The following DCC variants were observed in gnomAD, a reference collection of about 807,000 sequenced individuals.
DCC encodes the protein netrin receptor DCC.
In DCC, 58 loss-of-function variants were observed where a neutral mutation model predicts 172.5. That is an observed-to-expected ratio of 0.34 (90% CI 0.27 to 0.42). The LOEUF (loss-of-function observed/expected upper bound fraction) is 0.42, where lower values mean the gene tolerates loss of function less well. Among genes scored for constraint, DCC ranks in the 10% least tolerant of loss-of-function variants. DCC has a pLI of 1.00. For missense variants in DCC, 1,740 were observed against 1,791.0 expected, an observed-to-expected ratio of 0.97 and a Z score of 0.51; for synonymous variants, 709 against 644.5, an observed-to-expected ratio of 1.10 and a Z score of -1.52.
At chr18:53,469,863 C>T (rs774173714) in intron 25 of DCC, among the ~76,000 whole-genome samples, 3 of 152,112 alleles carry the variant, frequency 2.0e-5, no homozygotes, top group Non-Finnish European at 4.4e-5. Context: ...CCACTGAATC[C>T]ATGATTGCCA....
intron 1 of DCC, among the ~76,000 whole-genome samples, chr18:52,615,972 A>G (rs1443110371): frequency 3.3e-5 from 5 of 152,192 alleles, no homozygotes; most frequent in Non-Finnish European, 7.4e-5. Flanking sequence ...TTATATATAT[A>G]TGAATGAATG....
chr18:52,703,123 T>C lies in DCC; in HGVS notation c.92-48931T>C, dbSNP rs375297393. ...GCTAACCACTCTTACTATAATCTTT[T>C]CTGAAATGTTCCATCAATTATTCTA... On this transcript the variant is annotated intron_variant, in intron 1 of 28. Transcript: ENST00000442544. Among the ~76,000 whole-genome samples the C allele has an allele frequency of 8.5e-5, 13 of 152,318 alleles. No homozygotes were observed. In the South Asian group the frequency reaches 1.7e-3, roughly 19 times the overall value.
chr18:53,048,329 A>C (rs1240676524), intron 5 of DCC, among the ~76,000 whole-genome samples: 1 of 151,156 alleles, frequency 6.6e-6, no homozygotes, highest in Non-Finnish European at 1.5e-5. Context: ...TTTTCTGTCC[A>C]TGTGTTCTTG....
In DCC at chr18:53,477,741, A is replaced by C. The variant is rs549920625; in HGVS notation, c.3737-9056A>C. On this transcript the variant is annotated intron_variant, in intron 25 of 28. Transcript: ENST00000442544. ...GAAGGCAGAATCTTCTTATTTGTCTAATATTATACTTTTTGGTTGAAAATA... is the reference window on the plus strand; with the variant it reads ...GAAGGCAGAATCTTCTTATTTGTCTCATATTATACTTTTTGGTTGAAAATA... Among the ~76,000 whole-genome samples the C allele has an allele frequency of 2.2e-4, 33 of 152,292 alleles. No individual in the cohort carries two copies. In the South Asian group the frequency reaches 6.4e-3, roughly 30 times the overall value.
intron 12 of DCC, among the ~76,000 whole-genome samples, chr18:53,241,311 G>A (rs550544718): frequency 1.3e-5 from 2 of 152,272 alleles, no homozygotes; most frequent in Admixed American, 1.3e-4. Flanking sequence ...AGATGAAAGT[G>A]ACAGTCAAGC....
At chr18:52,835,264 C>T (rs1296860973) in intron 2 of DCC, among the ~76,000 whole-genome samples, 1 of 152,032 alleles carries the variant, frequency 6.6e-6, no homozygotes, top group Non-Finnish European at 1.5e-5. Flanking sequence ...TATTACAATC[C>T]TCTTTGTTTT....
chr18:53,227,380 A>G (rs2056050214), intron 12 of DCC, among the ~76,000 whole-genome samples: 1 of 152,206 alleles, frequency 6.6e-6, no homozygotes, highest in Non-Finnish European at 1.5e-5. Flanking sequence ...TGTACTCAAT[A>G]ACACTCAACA....
intron 12 of DCC, among the ~76,000 whole-genome samples, chr18:53,284,053 C>G (rs2056905780): frequency 1.3e-5 from 2 of 152,088 alleles, no homozygotes; most frequent in South Asian, 2.1e-4. Context: ...TTTTCAAGAC[C>G]TTTCATAAAT....
At chr18:53,358,844 C>G (rs1335263772) in intron 15 of DCC, among the ~76,000 whole-genome samples, 1 of 152,068 alleles carries the variant, frequency 6.6e-6, no homozygotes, top group African/African-American at 2.4e-5. Flanking sequence ...CTAACATATT[C>G]TAGGCTACCA....
intron 2 of DCC, among the ~76,000 whole-genome samples, chr18:52,755,948 C>T (rs1475865166): frequency 6.6e-6 from 1 of 152,130 alleles, no homozygotes; most frequent in East Asian, 1.9e-4. Context: ...CTTGAGTGCA[C>T]ACTTGGCTGG....
chr18:52,843,191 A>G (rs961198368), intron 2 of DCC, among the ~76,000 whole-genome samples: 1 of 152,214 alleles, frequency 6.6e-6, no homozygotes, highest in African/African-American at 2.4e-5. Flanking sequence ...TATTAGTTAA[A>G]TGTATTAAAA....
At chr18:52,539,098 A>C (rs1189699659) in intron 1 of DCC, among the ~76,000 whole-genome samples, 1 of 152,192 alleles carries the variant, frequency 6.6e-6, no homozygotes, top group African/African-American at 2.4e-5. Context: ...TAGAACATGA[A>C]CTGGCATTGG....
At chr18:52,966,693 G>C (rs1037435252) in intron 5 of DCC, among the ~76,000 whole-genome samples, 3 of 152,146 alleles carry the variant, frequency 2.0e-5, no homozygotes, top group Non-Finnish European at 2.9e-5. Context: ...CTCTTCCATG[G>C]CTCCTACTGT....
At chr18:53,062,491 T>G (rs1465831297) in intron 5 of DCC, among the ~76,000 whole-genome samples, 1 of 152,124 alleles carries the variant, frequency 6.6e-6, no homozygotes, top group African/African-American at 2.4e-5. Flanking sequence ...ATATAATATT[T>G]AAATCTGATG....
At chr18:53,324,482 G>A (rs2057445933) in intron 14 of DCC, among the ~76,000 whole-genome samples, 1 of 152,182 alleles carries the variant, frequency 6.6e-6, no homozygotes, top group Non-Finnish European at 1.5e-5. Flanking sequence ...AGAGGGGATA[G>A]CAAGGATTAG....
At chr18:53,292,998 A>G (rs1171813266) in intron 12 of DCC, among the ~76,000 whole-genome samples, 2 of 152,216 alleles carry the variant, frequency 1.3e-5, no homozygotes, top group Non-Finnish European at 2.9e-5. Context: ...AATCATGACA[A>G]TCGTGACATG....
chr18:52,358,040 G>T (rs528485439), intron 1 of DCC, among the ~76,000 whole-genome samples: 1 of 151,890 alleles, frequency 6.6e-6, no homozygotes, highest in Non-Finnish European at 1.5e-5. Context: ...CCCCTGATAT[G>T]ATGTGATAAG....
chr18:52,441,851 TTTC>T (rs1987979601), intron 1 of DCC, among the ~76,000 whole-genome samples: 1 of 152,216 alleles, frequency 6.6e-6, no homozygotes, highest in Non-Finnish European at 1.5e-5. Context: ...CAGCCACTCT[TTTC>T]TTCTTTTTAT....
chr18:53,152,603 A>G (rs2054659374), intron 7 of DCC, among the ~76,000 whole-genome samples: 1 of 152,138 alleles, frequency 6.6e-6, no homozygotes, highest in Non-Finnish European at 1.5e-5. Flanking sequence ...GACTGTCATT[A>G]TAGTGTGGCA....
Sources: gnomAD v4.1 joint callset for allele counts (sites outside exome capture counted in the v4.1 genomes callset) on GRCh38, gnomAD v4.1.1 for gene constraint, MANE v1.5 for transcripts, NCBI Gene and HGNC (gene_info 2026-07-23, HGNC 2026-07-21) for gene names.